Variants in PCNT observed in about 807,000 individuals in gnomAD.
PCNT encodes the protein kendrin.
A neutral mutation model predicts 380.4 loss-of-function variants in PCNT; 319 were observed. The observed-to-expected ratio is 0.84, with a 90% confidence interval of 0.77 to 0.92. The LOEUF is 0.92. PCNT is among the 40% of genes least tolerant of loss of function. The probability of loss-of-function intolerance (pLI) is 0.00; values close to 1 mark genes in which losing one functional copy is unlikely to be tolerated. For synonymous variants in PCNT, 1,845 were observed against 1,735.2 expected (o/e 1.06, Z -1.57); for missense variants, 4,400 against 4,255.3 (o/e 1.03, Z -0.95).
At chr21:46,426,980 C>G (rs1369378421) in intron 33 of PCNT, among the ~76,000 whole-genome samples, 1 of 152,200 alleles carries the variant, frequency 6.6e-6, no homozygotes, top group Non-Finnish European at 1.5e-5. Context: ...GCTCGCCCCT[C>G]CAGCAGGCCC....
At chr21:46,358,628 G>GTTTT (rs35030158) in intron 13 of PCNT, among the ~76,000 whole-genome samples, 2 of 142,190 alleles carry the variant, frequency 1.4e-5, no homozygotes, top group African/African-American at 5.1e-5. Context: ...TTGTTGTTTT[G>GTTTT]TTTTTTTTTT....
At chr21:46,365,184 C>CCATAGGGTTCTAT (rs2084856124) in intron 14 of PCNT, among the ~76,000 whole-genome samples, 4 of 149,522 alleles carry the variant, frequency 2.7e-5, no homozygotes, top group Non-Finnish European at 5.9e-5. Context: ...TGGGGTTCTC[C>CCATAGGGTTCTAT]TCACTGCCGT....
At chr21:46,397,932 AGTGGAAGCCTGG>A in intron 22 of PCNT, 70 bp from the exon 23 acceptor site, 1 of 1,005,796 alleles carries the variant, frequency 9.9e-7, no homozygotes, top group Non-Finnish European at 1.5e-6. Flanking sequence ...TTGTACGTGC[AGTGGAAGCCTGG>A]GTGGACCTTC....
chr21:46,329,727 C>T (rs887946983), intron 2 of PCNT, among the ~76,000 whole-genome samples: 1 of 152,184 alleles, frequency 6.6e-6, no homozygotes, highest in African/African-American at 2.4e-5. Context: ...GAAACAATGG[C>T]AAGATGGCCA....
Position 46,401,721 on chromosome 21 carries a change from GGTGA to G in PCNT, c.4962+4_4962+7del. Reference sequence around the variant, plus strand: ...GAGCACTCCTGCGGCGCGAGAGCGAGGTGAGTGCAGAGTGGGGCCATGGGACTGC... The same window carrying G: ...GAGCACTCCTGCGGCGCGAGAGCGAGGTGCAGAGTGGGGCCATGGGACTGC... On this transcript the variant is annotated splice_donor_variant and splice_donor_region_variant and intron_variant, in intron 26 of 46. Coordinates refer to ENST00000359568, the MANE Select transcript of PCNT (RefSeq NM_006031.6). LOFTEE classifies it high-confidence loss of function. 1 of 1,614,058 alleles carries G rather than the reference GGTGA, an allele frequency of 6.2e-7. No individual in the cohort carries two copies.
rs1343803081 is a variant in PCNT at position 46,427,738 on chromosome 21, A to T, written c.7437A>T (p.Ser2479=). The change falls in exon 34 of 47, where the codon TCA becomes TCT. Residue 2479 remains serine, a synonymous_variant. Transcript: ENST00000359568. ...GVELQPRLSG[S]DLGGHSSLLE... ...AGCTGCAGCCCCGACTCAGTGGCTC[A>T]GATCTGGGGGGTCACAGCTCCCTGC... 5 of 1,613,800 alleles carry T rather than the reference A, an allele frequency of 3.1e-6. No homozygotes were observed. The highest frequency in any genetic ancestry group is 1.3e-5 in the African/African-American group (1 of 75,036).
At chr21:46,359,598 G>A (rs111636043) in intron 13 of PCNT, among the ~76,000 whole-genome samples, 1 of 132,484 alleles carries the variant, frequency 7.5e-6, no homozygotes, top group Non-Finnish European at 1.6e-5. Flanking sequence ...AAGCGATTCT[G>A]CTGCCTCAGC....
At chr21:46,414,853 C>T (rs1480717455) in intron 29 of PCNT, among the ~76,000 whole-genome samples, 1 of 142,280 alleles carries the variant, frequency 7.0e-6, no homozygotes, top group African/African-American at 3.0e-5. Flanking sequence ...CACACAGACA[C>T]CTACCCTCCT....
chr21:46,353,750 G>A (rs1381490662), intron 10 of PCNT, among the ~76,000 whole-genome samples: 1 of 101,004 alleles, frequency 9.9e-6, no homozygotes, highest in Admixed American at 9.2e-5. Context: ...GTGTGTGTGT[G>A]TGAGAGAGAC....
chr21:46,401,763 A>C, intron 26 of PCNT, 42 bp downstream of exon 26: 1 of 1,603,332 alleles, frequency 6.2e-7, no homozygotes, highest in Non-Finnish European at 8.5e-7. Context: ...GCCCTGGGTC[A>C]GTGTCCAGTG....
intron 15 of PCNT, among the ~76,000 whole-genome samples, chr21:46,368,006 T>C (rs1396498642): frequency 6.6e-6 from 1 of 152,010 alleles, no homozygotes; most frequent in Non-Finnish European, 1.5e-5. Flanking sequence ...TTAAAAACAA[T>C]TCACCGGGCG....
intron 15 of PCNT, among the ~76,000 whole-genome samples, chr21:46,369,184 G>C (rs2085031969): frequency 6.6e-6 from 1 of 152,242 alleles, no homozygotes; most frequent in African/African-American, 2.4e-5. Context: ...AGGCCTCTGT[G>C]TCCTGTCCTT....
At chr21:46,394,633 T>G (rs1182267694) in intron 21 of PCNT, 2 of 405,672 alleles carry the variant, frequency 4.9e-6, no homozygotes, top group African/African-American at 4.3e-5. Flanking sequence ...TCAGACCTTT[T>G]GTGGCAAACA....
At chr21:46,427,187 C>G (rs532569862) in intron 33 of PCNT, among the ~76,000 whole-genome samples, 42 of 152,338 alleles carry the variant, frequency 2.8e-4, no homozygotes, top group Admixed American at 1.0e-3. Flanking sequence ...CTTTTTCAGT[C>G]TCTTCTGTGC....
intron 14 of PCNT, 101 bp from the exon 15 acceptor site, chr21:46,366,483 A>G: frequency 1.1e-6 from 1 of 931,158 alleles, no homozygotes; most frequent in Non-Finnish European, 1.8e-6. Flanking sequence ...TGACCTGAAC[A>G]GTTGAAGTGG....
intron 27 of PCNT, among the ~76,000 whole-genome samples, chr21:46,407,493 C>T (rs2086655425): frequency 6.6e-6 from 1 of 151,990 alleles, no homozygotes; most frequent in African/African-American, 2.4e-5. Flanking sequence ...AGGCGCCTGC[C>T]ACCAGGCCCG....
chr21:46,427,937 G>T lies in PCNT; in HGVS notation c.7494+142G>T, dbSNP rs551692299. The T allele has an allele frequency of 4.2e-5, 38 of 910,918 alleles. 1 individual carries two copies. In the South Asian group the frequency reaches 5.6e-4, roughly 13 times the overall value. 56.4% of individuals were successfully genotyped at this position (910,918 alleles called of 1,614,324 possible). A position where few individuals can be genotyped will look rare whatever the true frequency, so the allele number is the denominator to read the frequency against. On this transcript the variant is annotated intron_variant, in intron 34 of 46. Coordinates refer to ENST00000359568, the MANE Select transcript of PCNT (RefSeq NM_006031.6). The stretch of plus-strand genomic sequence containing the variant: ...TGGAATGTGGCTGTCACTTACCCAG[G>T]TGTTGACGCTCAGTCCATGCAGGAT...
chr21:46,404,251 A>C (rs978364684), intron 27 of PCNT, among the ~76,000 whole-genome samples: 9 of 152,280 alleles, frequency 5.9e-5, no homozygotes, highest in East Asian at 1.9e-4. Flanking sequence ...ATAACAACAA[A>C]AAAAATTTTC....
rs779061629 is a variant in PCNT at position 46,334,630 on chromosome 21, A to G, written c.501A>G (p.Glu167=). ...GMFTVSDHPP[E]QRGMFTISDH... ...TCACAGTCAGTGACCACCCACCAGA[A>G]CAGCGTGGGATGTTCACAATCAGTG... The change falls in exon 3 of 47, where the codon GAA becomes GAG. Residue 167 remains glutamate, a synonymous_variant. Coordinates refer to ENST00000359568, the MANE Select transcript of PCNT (RefSeq NM_006031.6). 4 of 1,604,890 alleles carry G rather than the reference A, an allele frequency of 2.5e-6. No individual in the cohort carries two copies. The Admixed American group carries it at 6.7e-5, about 27-fold the overall frequency.
Sources: gnomAD v4.1 joint callset for allele counts (sites outside exome capture counted in the v4.1 genomes callset) on GRCh38, gnomAD v4.1.1 for gene constraint, MANE v1.5 for transcripts, NCBI Gene and HGNC (gene_info 2026-07-23, HGNC 2026-07-21) for gene names.